PRKG1: variants seen among roughly 807,000 people sequenced by gnomAD.
PRKG1 encodes the protein protein kinase cGMP-dependent 1, also known as cGMP-dependent protein kinase 1.
Under a neutral mutation model 88.1 loss-of-function variants are expected in PRKG1, and 35 were observed. That is an observed-to-expected ratio of 0.40 (90% CI 0.30 to 0.53). The LOEUF (loss-of-function observed/expected upper bound fraction) is 0.53, where lower values mean the gene tolerates loss of function less well. Among genes scored for constraint, PRKG1 ranks in the 20% least tolerant of loss-of-function variants. PRKG1 has a pLI of 0.59. For missense variants in PRKG1, 540 were observed against 839.8 expected, an observed-to-expected ratio of 0.64 and a Z score of 4.41; for synonymous variants, 303 against 292.5, an observed-to-expected ratio of 1.04 and a Z score of -0.37.
At chr10:51,173,676 A>G (rs542474643) in intron 2 of PRKG1, among the ~76,000 whole-genome samples, 67 of 152,048 alleles carry the variant, frequency 4.4e-4, no homozygotes, top group African/African-American at 1.2e-3. Context: ...AACTTTTATC[A>G]TGCATGACAA....
intron 1 of PRKG1, among the ~76,000 whole-genome samples, chr10:51,034,262 T>A (rs1843323348): frequency 6.6e-6 from 1 of 152,148 alleles, no homozygotes; most frequent in Non-Finnish European, 1.5e-5. Context: ...TTTTGAGCTG[T>A]AGTTGAAGAG....
chr10:51,706,471 A>C (rs1184007990), intron 3 of PRKG1, among the ~76,000 whole-genome samples: 1 of 152,138 alleles, frequency 6.6e-6, no homozygotes, highest in African/African-American at 2.4e-5. Flanking sequence ...GAGGTTGAAC[A>C]GAACCAAATG....
chr10:51,746,587 A>G (rs1837585196), intron 3 of PRKG1, among the ~76,000 whole-genome samples: 3 of 151,822 alleles, frequency 2.0e-5, no homozygotes, highest in Admixed American at 6.6e-5. Context: ...GCCAGGCATC[A>G]TGGTGGGTGC....
Position 50,991,672 on chromosome 10 carries a change from G to C in PRKG1, c.266+28G>C. 7.0e-7 allele frequency: 1 copy of C among 1,436,452 alleles called. No homozygotes were observed. The highest frequency in any genetic ancestry group is 1.4e-5 in the South Asian group (1 of 72,584). 89.0% of individuals were successfully genotyped at this position (1,436,452 alleles called of 1,614,324 possible). ...AGGCGCGGAGGCCGTGGGCCCGGGC[G>C]CTCGTCCCGGCCCGCGGCGCAGAGG... is the stretch of plus-strand genomic sequence containing the variant. On this transcript the variant is annotated intron_variant, in intron 1 of 17. Coordinates refer to the PRKG1 transcript ENST00000401604. The surrounding 1 kb of genome is among the most constrained non-coding windows in gnomAD (Gnocchi z 4.5).
chr10:51,240,787 T>C (rs1390412538), intron 2 of PRKG1, among the ~76,000 whole-genome samples: 1 of 152,120 alleles, frequency 6.6e-6, no homozygotes, highest in African/African-American at 2.4e-5. Context: ...AACTCCCTAC[T>C]TAAAGGAATA....
At chr10:51,699,195 T>C (rs1464597453) in intron 3 of PRKG1, 2 of 1,614,150 alleles carry the variant, frequency 1.2e-6, no homozygotes, top group Non-Finnish European at 1.7e-6. Flanking sequence ...TCTGGATCGA[T>C]GGGATCCCCA....
At chr10:51,239,147 T>C (rs1839083573) in intron 2 of PRKG1, among the ~76,000 whole-genome samples, 1 of 152,166 alleles carries the variant, frequency 6.6e-6, no homozygotes, top group Non-Finnish European at 1.5e-5. Flanking sequence ...AAAATAGAAG[T>C]TCTGTTCTTA....
intron 2 of PRKG1, among the ~76,000 whole-genome samples, chr10:51,217,724 T>G (rs1177649451): frequency 6.6e-6 from 1 of 152,140 alleles, no homozygotes; most frequent in East Asian, 1.9e-4. Flanking sequence ...AATCTATTAT[T>G]TACATAAATC....
chr10:51,983,006 G>A (rs1018796373), intron 5 of PRKG1, among the ~76,000 whole-genome samples: 1 of 152,072 alleles, frequency 6.6e-6, no homozygotes, highest in African/African-American at 2.4e-5. Context: ...GGGCACTGGT[G>A]GCCTCTTTGT....
intron 2 of PRKG1, among the ~76,000 whole-genome samples, chr10:51,307,984 T>G (rs1841081670): frequency 2.6e-5 from 4 of 152,170 alleles, no homozygotes. Context: ...GAGCTCCACC[T>G]TTTAGTTTAT....
chr10:51,011,077 A>G (rs1564569769), intron 1 of PRKG1, among the ~76,000 whole-genome samples: 1 of 152,128 alleles, frequency 6.6e-6, no homozygotes, highest in Non-Finnish European at 1.5e-5. Context: ...AAGCACCAAT[A>G]AATTTCCTAA....
At chr10:51,914,222 A>T (rs541947070) in intron 5 of PRKG1, among the ~76,000 whole-genome samples, 52 of 87,810 alleles carry the variant, frequency 5.9e-4, no homozygotes, top group African/African-American at 1.6e-3. Flanking sequence ...GTGAGAAAAT[A>T]AAAAAAAAAA....
chr10:51,967,726 G>A (rs1036607198), intron 5 of PRKG1, among the ~76,000 whole-genome samples: 77 of 152,140 alleles, frequency 5.1e-4, no homozygotes, highest in African/African-American at 1.7e-3. Context: ...TTGGAATCCC[G>A]CCGTTCCTCA....
intron 5 of PRKG1, among the ~76,000 whole-genome samples, chr10:52,028,392 T>C (rs1269963929): frequency 1.3e-5 from 2 of 152,208 alleles, no homozygotes; most frequent in East Asian, 3.9e-4. Context: ...TTGTGTACTA[T>C]GTGCAAAGTT....
intron 2 of PRKG1, chr10:51,306,632 G>A (rs1378956734): frequency 6.6e-6 from 1 of 152,144 alleles, no homozygotes; most frequent in Non-Finnish European, 1.5e-5. Flanking sequence ...CAGGAAAGAA[G>A]TTTGTGCTTT....
chr10:51,520,607 C>G (rs1200601791), intron 3 of PRKG1, among the ~76,000 whole-genome samples: 2 of 152,046 alleles, frequency 1.3e-5, no homozygotes, highest in Admixed American at 1.3e-4. Context: ...CCAAGCAAAA[C>G]TCCCAGATTA....
At chr10:51,236,780 AG>A (rs2132117807) in intron 2 of PRKG1, among the ~76,000 whole-genome samples, 1 of 152,254 alleles carries the variant, frequency 6.6e-6, no homozygotes, top group African/African-American at 2.4e-5. Context: ...CTGGGATTAC[AG>A]GTATGAGCCA....
chr10:50,999,114 T>C (rs952598974), intron 1 of PRKG1, among the ~76,000 whole-genome samples: 2 of 152,234 alleles, frequency 1.3e-5, no homozygotes, highest in Non-Finnish European at 2.9e-5. Context: ...TAAGTTTATA[T>C]TGACTCAAAA....
chr10:52,004,740 T>G (rs1844687010), intron 5 of PRKG1, among the ~76,000 whole-genome samples: 1 of 152,174 alleles, frequency 6.6e-6, no homozygotes. Flanking sequence ...TACCATATTA[T>G]TCATTCAGCA....
Sources: gnomAD v4.1 joint callset for allele counts (sites outside exome capture counted in the v4.1 genomes callset) on GRCh38, gnomAD v4.1.1 for gene constraint, Gnocchi (gnomAD v3.1) non-coding constraint, MANE v1.5 for transcripts, NCBI Gene and HGNC (gene_info 2026-07-23, HGNC 2026-07-21) for gene names.